Variants in ZBTB46 observed in about 807,000 individuals in gnomAD.
The protein encoded by ZBTB46 is zinc finger and BTB domain containing 46.
Under a neutral mutation model 44.1 loss-of-function variants are expected in ZBTB46, and 8 were observed. The ratio of observed to expected loss-of-function variants is 0.18; its 90% CI spans 0.11 to 0.33. The LOEUF is 0.33. ZBTB46 is among the 10% of genes least tolerant of loss of function. The pLI, the probability that ZBTB46 is intolerant of heterozygous loss-of-function variation, is 1.00. For synonymous variants in ZBTB46, 409 were observed against 382.3 expected, an observed-to-expected ratio of 1.07 and a Z score of -0.81; for missense variants, 651 against 847.7, an observed-to-expected ratio of 0.77 and a Z score of 2.88.
intron 3 of ZBTB46, among the ~76,000 whole-genome samples, chr20:63,756,572 G>A (rs912210366): frequency 1.3e-5 from 2 of 152,202 alleles, no homozygotes; most frequent in Non-Finnish European, 2.9e-5. Flanking sequence ...TTTCAAAAAC[G>A]TTTTAAGCCT....
upstream of ZBTB46, among the ~76,000 whole-genome samples, chr20:63,832,103 C>T: frequency 6.6e-6 from 1 of 152,058 alleles, no homozygotes; most frequent in African/African-American, 2.4e-5. This position sits in a 1 kb window ranked among gnomAD's most constrained non-coding sequence, Gnocchi z 5.0. Flanking sequence ...CGAATGGCTC[C>T]GGGAGGGGGC....
intron 1 of ZBTB46, among the ~76,000 whole-genome samples, chr20:63,806,254 A>G (rs1431877864): frequency 6.6e-6 from 1 of 151,096 alleles, no homozygotes; most frequent in Non-Finnish European, 1.5e-5. Flanking sequence ...GTTAAAAAAA[A>G]AAATTAGCCT....
chr20:63,806,873 C>T (rs2092684939), intron 1 of ZBTB46, among the ~76,000 whole-genome samples: 1 of 152,048 alleles, frequency 6.6e-6, no homozygotes, highest in African/African-American at 2.4e-5. Context: ...AGCTCCGCCT[C>T]CCAGGTTCAC....
rs1005764518 is a variant in ZBTB46, at chr20:63,745,731, G to T, written c.*1199C>A. ...GAAGACAGGCCGTGGCAACGGTCCCGAGGCTGTGAGTCTAGGCAGCCTGCC... is the reference window on the plus strand; with the variant it reads ...GAAGACAGGCCGTGGCAACGGTCCCTAGGCTGTGAGTCTAGGCAGCCTGCC... On this transcript the variant is annotated 3_prime_UTR_variant, in exon 5 of 5. Transcript: ENST00000245663. The T allele has an allele frequency of 6.6e-6, 1 of 152,290 alleles. No individual in the cohort carries two copies. Among genetic ancestry groups the T allele is most frequent in the African/African-American group, 2.4e-5 (1 of 41,454 alleles). 9.4% of individuals were successfully genotyped at this position (152,290 alleles called of 1,614,324 possible). A position where few individuals can be genotyped will look rare whatever the true frequency, so the allele number is the denominator to read the frequency against.
chr20:63,807,108 T>C (rs1214872303), intron 1 of ZBTB46, among the ~76,000 whole-genome samples: 1 of 152,102 alleles, frequency 6.6e-6, no homozygotes, highest in Non-Finnish European at 1.5e-5. Flanking sequence ...CTTAAAATGT[T>C]TGATAGAATT....
At chr20:63,828,681 G>C (rs554791328) in intron 1 of ZBTB46, among the ~76,000 whole-genome samples, 2 of 152,402 alleles carry the variant, frequency 1.3e-5, no homozygotes, top group African/African-American at 4.8e-5. Flanking sequence ...TACCACGGCA[G>C]ACGCCGTGAC....
chr20:63,804,468 C>T (rs1045110402), intron 1 of ZBTB46, among the ~76,000 whole-genome samples: 5 of 152,184 alleles, frequency 3.3e-5, no homozygotes, highest in African/African-American at 1.2e-4. Context: ...GGAAGCCCTC[C>T]CGGGCGTCAC....
In ZBTB46 at chr20:63,775,939, C is replaced by A. The variant is rs778039092; in HGVS notation, c.961G>T (p.Ala321Ser). Residue 321 changes from alanine to serine, a missense_variant, in exon 3 of 5, where the codon GCC becomes TCC. Physicochemically the swap from Ala to Ser is moderately conservative, Grantham distance 99. Around this residue, in one of 5 missense-constraint regions of ZBTB46, gnomAD observed 385 missense variants for 423.3 expected, o/e 0.91. Coordinates refer to ENST00000245663, the MANE Select transcript of ZBTB46 (RefSeq NM_001369741.1). ...TCTCCTCGGCTGTCGGAGCTGCTGGCTTCGGTGACGGACAGGTCCGCATCT... is the reference window on the plus strand; with the variant it reads ...TCTCCTCGGCTGTCGGAGCTGCTGGATTCGGTGACGGACAGGTCCGCATCT... Reference protein sequence around the residue: ...DSNADLSVTEASSSDSRGERA... With the variant: ...DSNADLSVTESSSSDSRGERA... The A allele has an allele frequency of 1.3e-6, 2 of 1,580,826 alleles. No homozygotes were observed.
In ZBTB46 at chr20:63,789,880, C is replaced by A; in HGVS notation, c.878G>T (p.Ser293Ile). The A allele has an allele frequency of 6.2e-7, 1 of 1,613,728 alleles. No individual in the cohort carries two copies. The highest frequency in any genetic ancestry group is 8.5e-7 in the Non-Finnish European group (1 of 1,179,988). ...TQQVEDDSRA[S>I]SPVPSFLPTS... ...CGGCAGGAAGGACGGCACCGGGGAG[C>A]TGGCCCGGCTGTCATCTTCCACCTG... Residue 293 changes from serine to isoleucine, a missense_variant, in exon 2 of 5, where the codon AGC (serine) becomes ATC (isoleucine). Coordinates refer to ENST00000245663, the MANE Select transcript of ZBTB46 (RefSeq NM_001369741.1).
Position 63,779,630 on chromosome 20 carries a change from C to A in ZBTB46, c.938-3668G>T, listed in dbSNP as rs558766254. On this transcript the variant is annotated intron_variant, in intron 2 of 4. Coordinates refer to ENST00000245663, the MANE Select transcript of ZBTB46 (RefSeq NM_001369741.1). ...AGAGACGGGGTTTCACCGTGTTAGC[C>A]AAGATGGTCTCGATCTCTTGACCTC... Among the ~76,000 whole-genome samples, 9 of 152,116 alleles carry A rather than the reference C, an allele frequency of 5.9e-5. No homozygotes were observed. In the South Asian group the frequency reaches 8.3e-4, roughly 14 times the overall value.
rs1322520598 is a variant in ZBTB46 at position 63,743,926 on chromosome 20, C to CAATAT, written c.*2999_*3003dup. 2 of 152,554 alleles carry CAATAT rather than the reference C, an allele frequency of 1.3e-5. No individual in the cohort carries two copies. Among genetic ancestry groups the CAATAT allele is most frequent in the South Asian group, 4.2e-4 (2 of 4,810 alleles). The allele number at this position is 152,554 out of a possible 1,614,324, so 9.5% of individuals were successfully genotyped here. ...AGGTTTATAATAAGTAATAGGAAGTCAATATAATATAGATTATCCCCAGAA... is the reference window on the plus strand; with the variant it reads ...AGGTTTATAATAAGTAATAGGAAGTCAATATAATATAATATAGATTATCCCCAGAA... On this transcript the variant is annotated 3_prime_UTR_variant, in exon 5 of 5. Transcript: ENST00000245663.
In ZBTB46 at chr20:63,787,155, T is replaced by C. The variant is rs868794821; in HGVS notation, c.937+2666A>G. On this transcript the variant is annotated intron_variant, in intron 2 of 4. Coordinates refer to ENST00000245663, the MANE Select transcript of ZBTB46 (RefSeq NM_001369741.1). This position sits in a 1 kb window ranked among gnomAD's most constrained non-coding sequence, Gnocchi z 4.6. Reference sequence around the variant, plus strand: ...GAAAAGTTGTGATCGCAGAACTTCATGCGCCACAGAAGGGCATTTTGGTCA... The same window carrying C: ...GAAAAGTTGTGATCGCAGAACTTCACGCGCCACAGAAGGGCATTTTGGTCA... 2.0e-5 allele frequency among the ~76,000 whole-genome samples: 3 copies of C among 152,142 alleles called. No homozygotes were observed. The highest frequency in any genetic ancestry group is 4.8e-5 in the African/African-American group (2 of 41,432).
At chr20:63,750,644 C>G (rs936129217) in intron 4 of ZBTB46, among the ~76,000 whole-genome samples, 1 of 152,146 alleles carries the variant, frequency 6.6e-6, no homozygotes, top group African/African-American at 2.4e-5. Context: ...GTGGCTCACA[C>G]CTGTAATCCC....
chr20:63,776,714 G>T (rs1306232399), intron 2 of ZBTB46, among the ~76,000 whole-genome samples: 1 of 151,314 alleles, frequency 6.6e-6, no homozygotes, highest in Non-Finnish European at 1.5e-5. Flanking sequence ...TGCGGCAGGA[G>T]AATCGCTTGA....
At chr20:63,814,940 T>C (rs1274572586) in intron 1 of ZBTB46, 2 of 155,744 alleles carry the variant, frequency 1.3e-5, no homozygotes, top group Non-Finnish European at 2.8e-5. Context: ...TGGTCTCACA[T>C]GCCTGGGGTC....
At position 63,790,472 on chromosome 20, in the gene ZBTB46, C is replaced by A. The variant is rs774712426; in HGVS notation, c.286G>T (p.Ala96Ser). ...TCGATGACGTTCCTGCTGGTGAGCG[C>A]CAGGTGCGCTGAGTACATGAAGTCG... ...IIDFMYSAHL[A>S]LTSRNVIEVM... The change falls in exon 2 of 5, where the codon GCG becomes TCG. Residue 96 changes from alanine to serine, a missense_variant. Physicochemically the swap from Ala to Ser is moderately conservative, Grantham distance 99. Transcript: ENST00000245663. 3 of 1,613,350 alleles carry A rather than the reference C, an allele frequency of 1.9e-6. No homozygotes were observed. Among genetic ancestry groups the A allele is most frequent in the Non-Finnish European group, 2.5e-6 (3 of 1,180,014 alleles).
intron 1 of ZBTB46, among the ~76,000 whole-genome samples, chr20:63,815,453 G>A (rs146484228): frequency 5.0e-4 from 74 of 147,100 alleles, no homozygotes; most frequent in African/African-American, 1.8e-3. Context: ...GTGAGCACAG[G>A]TGCAGTGGGT....
chr20:63,747,612 ACAGG>A (rs1334344419), intron 4 of ZBTB46, among the ~76,000 whole-genome samples: 3 of 149,074 alleles, frequency 2.0e-5, no homozygotes, highest in Non-Finnish European at 4.5e-5. Flanking sequence ...GAGTGTCTGC[ACAGG>A]CAGAGACTCC....
rs2092422001 is a variant in ZBTB46 at position 63,775,910 on chromosome 20, C to T, written c.990G>A (p.Arg330=). 6.2e-7 allele frequency: 1 copy of T among 1,603,498 alleles called. No homozygotes were observed. Reference sequence around the variant, plus strand: ...CCTCCACCTGTGCATAGAGCTCGGCCCTCTCTCCTCGGCTGTCGGAGCTGC... The same window carrying T: ...CCTCCACCTGTGCATAGAGCTCGGCTCTCTCTCCTCGGCTGTCGGAGCTGC... ...EASSSDSRGE[R]AELYAQVEEG... Residue 330 remains arginine, a synonymous_variant, in exon 3 of 5, where the codon AGG becomes AGA. Transcript: ENST00000245663.
Sources: allele counts gnomAD v4.1 joint callset (sites outside exome capture counted in the v4.1 genomes callset), GRCh38; gene constraint gnomAD v4.1.1; regional missense constraint gnomAD v4.1.1; non-coding constraint Gnocchi (gnomAD v3.1); transcripts MANE v1.5; gene names NCBI Gene and HGNC (gene_info 2026-07-23, HGNC 2026-07-21).